The following TET2 variants were observed in gnomAD, a reference collection of about 807,000 sequenced individuals.
The protein encoded by TET2 is methylcytosine dioxygenase TET2.
Under a neutral mutation model 142.9 loss-of-function variants are expected in TET2, and 299 were observed. That is an observed-to-expected ratio of 2.09 (90% CI 1.90 to 2.30). TET2 has a LOEUF of 2.30. Ranked by LOEUF, TET2 falls within the 30% of genes most tolerant of loss-of-function variation. TET2 has a pLI of 0.00. For missense variants in TET2, 2,418 were observed against 2,378.0 expected (o/e 1.02, Z -0.35); for synonymous variants, 819 against 849.0 (o/e 0.96, Z 0.61).
At chr4:105,222,780 A>T (rs1000281413) in intron 2 of TET2, among the ~76,000 whole-genome samples, 1 of 151,716 alleles carries the variant, frequency 6.6e-6, no homozygotes, top group African/African-American at 2.4e-5. Flanking sequence ...TTAGACATGA[A>T]GTCCTTGCCC....
rs2110306861 is a variant in TET2, at chr4:105,272,775, G to A, written c.4394G>A (p.Arg1465Gln). 6.4e-7 allele frequency: 1 copy of A among 1,551,616 alleles called. No homozygotes were observed. Among genetic ancestry groups the A allele is most frequent in the Non-Finnish European group, 8.7e-7 (1 of 1,146,966 alleles). ...TTAGCAGAGCCAGTCAAGACTTGCC[G>A]ACAAAGGAAACTAGAAGCCAAGAAA... ...RMLAEPVKTC[R>Q]QRKLEAKKAA... The change falls in exon 10 of 11, where the codon CGA becomes CAA. Residue 1465 changes from arginine to glutamine, a missense_variant. Arg to Gln is a conservative substitution (Grantham distance 43). Coordinates refer to ENST00000380013, the MANE Select transcript of TET2 (RefSeq NM_001127208.3).
intron 4 of TET2, chr4:105,241,937 C>G: frequency 8.9e-7 from 1 of 1,127,166 alleles, no homozygotes; most frequent in Non-Finnish European, 1.1e-6. Flanking sequence ...TTTACAGCTG[C>G]CTTTTTTTTT....
chr4:105,240,434 T>C, intron 3 of TET2: 1 of 1,074,934 alleles, frequency 9.3e-7, no homozygotes, highest in Non-Finnish European at 1.1e-6. Context: ...GATGAAGATC[T>C]TAATTATAGC....
At chr4:105,219,263 T>A (rs1727675154) in intron 2 of TET2, among the ~76,000 whole-genome samples, 1 of 152,092 alleles carries the variant, frequency 6.6e-6, no homozygotes, top group South Asian at 2.1e-4. Flanking sequence ...TAAAACATGA[T>A]CATTGCTAGT....
At chr4:105,157,486 G>A (rs894648886) in intron 1 of TET2, among the ~76,000 whole-genome samples, 8 of 152,060 alleles carry the variant, frequency 5.3e-5, no homozygotes, top group African/African-American at 1.9e-4. Flanking sequence ...TTAAAACAAG[G>A]TTGTATTTTA....
In TET2 at chr4:105,196,122, C is replaced by A. The variant is rs1726074404; in HGVS notation, c.-47+5617C>A. 2.0e-5 allele frequency among the ~76,000 whole-genome samples: 3 copies of A among 151,968 alleles called. No homozygotes were observed. The South Asian group carries it at 6.2e-4, about 31-fold the overall frequency. ...TTTTCATTCTTCAGAGTCATCTCACCACTTCCATAAATTATTTCCTAATTG... is the reference window on the plus strand; with the variant it reads ...TTTTCATTCTTCAGAGTCATCTCACAACTTCCATAAATTATTTCCTAATTG... On this transcript the variant is annotated intron_variant, in intron 2 of 10. Transcript: ENST00000380013.
At chr4:105,258,110 A>G (rs1447377844) in intron 6 of TET2, among the ~76,000 whole-genome samples, 1 of 152,152 alleles carries the variant, frequency 6.6e-6, no homozygotes, top group Non-Finnish European at 1.5e-5. Flanking sequence ...TTAAAATACC[A>G]CAGAGCTCAC....
intron 1 of TET2, among the ~76,000 whole-genome samples, chr4:105,170,445 C>T (rs565638635): frequency 1.8e-4 from 28 of 152,200 alleles, no homozygotes; most frequent in Non-Finnish European, 2.2e-4. Context: ...ATGATTGTGC[C>T]TGTGAATAGC....
rs1731371392 is a variant in TET2 at position 105,279,694 on chromosome 4, T to C, written c.*3175T>C. 1 of 229,360 alleles carries C rather than the reference T, an allele frequency of 4.4e-6. No individual in the cohort carries two copies. The highest frequency in any genetic ancestry group is 8.6e-6 in the Non-Finnish European group (1 of 115,792). 14.2% of individuals were successfully genotyped at this position (229,360 alleles called of 1,614,324 possible). The stretch of plus-strand genomic sequence containing the variant: ...AGGATGGTTATAAATACTGTAAGTA[T>C]TGTAATGTTATGAATGCAGGTTATT... On this transcript the variant is annotated 3_prime_UTR_variant, in exon 11 of 11. Coordinates refer to ENST00000380013, the MANE Select transcript of TET2 (RefSeq NM_001127208.3).
chr4:105,208,996 T>G (rs1418405154), intron 2 of TET2, among the ~76,000 whole-genome samples: 5 of 140,362 alleles, frequency 3.6e-5, no homozygotes, highest in Admixed American at 3.0e-4. Flanking sequence ...AAGTTTGGCA[T>G]TTAATAAGAT....
At chr4:105,192,999 G>A (rs919673833) in intron 2 of TET2, among the ~76,000 whole-genome samples, 3 of 152,168 alleles carry the variant, frequency 2.0e-5, no homozygotes, top group African/African-American at 4.8e-5. Flanking sequence ...AAGGTTTTAT[G>A]CAGAGTGATT....
At chr4:105,247,654 C>T (rs1729644329) in intron 6 of TET2, among the ~76,000 whole-genome samples, 1 of 150,878 alleles carries the variant, frequency 6.6e-6, no homozygotes, top group Admixed American at 6.6e-5. Flanking sequence ...TTACTTTAAC[C>T]TATTCCTCTA....
At chr4:105,156,342 G>T (rs1723567345) in intron 1 of TET2, among the ~76,000 whole-genome samples, 1 of 152,158 alleles carries the variant, frequency 6.6e-6, no homozygotes, top group Non-Finnish European at 1.5e-5. Flanking sequence ...CTATGTTCAG[G>T]CATAGAAATG....
Position 105,259,766 on chromosome 4 carries a change from A to G in TET2, c.3951A>G (p.Lys1317=). 6.5e-7 allele frequency: 1 copy of G among 1,550,312 alleles called. No homozygotes were observed. Among genetic ancestry groups the G allele is most frequent in the Admixed American group, 2.0e-5 (1 of 50,928 alleles). ...RKFKLLGDDP[K]EEEKLESHLQ... Reference sequence around the variant, plus strand: ...TTAAGCTGCTTGGGGATGACCCAAAAGAGGTTTGTTTACTTCCTGATGTAT... The same window carrying G: ...TTAAGCTGCTTGGGGATGACCCAAAGGAGGTTTGTTTACTTCCTGATGTAT... Residue 1317 remains lysine, a synonymous_variant, in exon 7 of 11, where the codon AAA becomes AAG. Transcript: ENST00000380013.
Position 105,232,325 on chromosome 4 carries a change from T to C in TET2, c.-46-1572T>C, listed in dbSNP as rs537448334. Among the ~76,000 whole-genome samples, 284 of 152,334 alleles carry C rather than the reference T, an allele frequency of 1.9e-3. 3 individuals carry two copies. Among genetic ancestry groups the C allele is most frequent in the Non-Finnish European group, 1.9e-3 (130 of 68,026 alleles). On this transcript the variant is annotated intron_variant, in intron 2 of 10. Coordinates refer to ENST00000380013, the MANE Select transcript of TET2 (RefSeq NM_001127208.3). The stretch of plus-strand genomic sequence containing the variant: ...ATCATTAATAGTGCTGTGATGAACA[T>C]ACGTGTGCAATATGCCTTTATGGTA...
At chr4:105,161,909 G>A (rs187507043) in intron 1 of TET2, among the ~76,000 whole-genome samples, 1 of 152,246 alleles carries the variant, frequency 6.6e-6, no homozygotes. Context: ...TCTTTTTTCA[G>A]TTACTACTAA....
rs1409973317 is a variant in TET2, at chr4:105,236,272, G to C, written c.2330G>C (p.Gly777Ala). Residue 777 changes from glycine to alanine, a missense_variant, in exon 3 of 11, where the codon GGC (glycine) becomes GCC (alanine). By Grantham distance (60) the Gly-to-Ala change is moderately conservative. Transcript: ENST00000380013. The stretch of plus-strand genomic sequence containing the variant: ...CAGCAAAGAGAAGGATCATTCTTTG[G>C]CCAGACTAAAGTGGAAGAATGTTTT... The part of the protein sequence containing the change: ...NDQQREGSFF[G>A]QTKVEECFHG... The C allele has an allele frequency of 1.2e-6, 2 of 1,614,042 alleles. No individual in the cohort carries two copies. The highest frequency in any genetic ancestry group is 1.7e-6 in the Non-Finnish European group (2 of 1,180,000).
At chr4:105,197,850 G>A (rs76566642) in intron 2 of TET2, among the ~76,000 whole-genome samples, 6,007 of 152,248 alleles carry the variant, frequency 0.039, 406 homozygotes, top group African/African-American at 0.14. Context: ...AGGCAAGGAA[G>A]AGTAGTTTTG....
chr4:105,243,111 A>G (rs950701083), intron 5 of TET2, among the ~76,000 whole-genome samples, 184 bp downstream of exon 5: 4 of 152,234 alleles, frequency 2.6e-5, no homozygotes, highest in African/African-American at 9.6e-5. Flanking sequence ...AACAAATTGT[A>G]TTTAATTGAA....
Sources: allele counts gnomAD v4.1 joint callset (sites outside exome capture counted in the v4.1 genomes callset), GRCh38; gene constraint gnomAD v4.1.1; transcripts MANE v1.5; gene names NCBI Gene and HGNC (gene_info 2026-07-23, HGNC 2026-07-21).